The following TTC3 variants were observed in gnomAD, a reference collection of about 807,000 sequenced individuals.
TTC3 encodes tetratricopeptide repeat domain 3.
TTC3 carries 180 observed loss-of-function variants against 249.6 expected under a neutral mutation model. The ratio of observed to expected loss-of-function variants is 0.72; its 90% CI spans 0.64 to 0.82. TTC3 has a LOEUF of 0.82. Ranked by LOEUF, TTC3 falls within the 40% of genes least tolerant of loss-of-function variation. The probability of loss-of-function intolerance (pLI) is 0.00; values close to 1 mark genes in which losing one functional copy is unlikely to be tolerated. For synonymous variants in TTC3, 717 were observed against 805.0 expected (o/e 0.89, Z 1.85); for missense variants, 2,061 against 2,398.4 (o/e 0.86, Z 2.94).
intron 11 of TTC3, among the ~76,000 whole-genome samples, chr21:37,116,334 G>T (rs978868079): frequency 6.6e-6 from 1 of 152,138 alleles, no homozygotes. Flanking sequence ...CAGTAAGAGA[G>T]GGAAAGGAGA....
At chr21:37,113,366 A>G (rs1337517990) in intron 11 of TTC3, among the ~76,000 whole-genome samples, 2 of 152,248 alleles carry the variant, frequency 1.3e-5, no homozygotes, top group Non-Finnish European at 2.9e-5. Context: ...TCAATGTGCA[A>G]AAATCACAAG....
At chr21:37,167,439 A>C (rs1045060940) in intron 33 of TTC3, 116 bp from the exon 34 acceptor site, 2 of 507,944 alleles carry the variant, frequency 3.9e-6, no homozygotes, top group African/African-American at 1.8e-4. Context: ...CATGATCTAA[A>C]TGGGAAAAAA....
chr21:37,129,487 C>G (rs1014908130), intron 16 of TTC3, among the ~76,000 whole-genome samples: 1 of 152,174 alleles, frequency 6.6e-6, no homozygotes, highest in Admixed American at 6.5e-5. Flanking sequence ...ACTCTGCATA[C>G]GCAGACATGG....
intron 35 of TTC3, among the ~76,000 whole-genome samples, chr21:37,176,933 C>T (rs1167927253): frequency 2.0e-5 from 3 of 152,124 alleles, no homozygotes; most frequent in Non-Finnish European, 2.9e-5. Context: ...GCAGTGTAGG[C>T]ATATCAGTTA....
At chr21:37,091,481 T>C (rs1473234580) in intron 7 of TTC3, 68 bp downstream of exon 7, 1 of 1,385,218 alleles carries the variant, frequency 7.2e-7, no homozygotes, top group Non-Finnish European at 9.6e-7. Context: ...ATGAGATATG[T>C]AGTTAAGTGA....
intron 6 of TTC3, 47 bp downstream of exon 6, chr21:37,090,333 C>T: frequency 2.7e-6 from 4 of 1,498,258 alleles, no homozygotes; most frequent in Non-Finnish European, 3.7e-6. Context: ...GGATGAGTGG[C>T]AGTCATCTCA....
At chr21:37,193,661 G>T (rs1195570254) in intron 41 of TTC3, 1 of 152,204 alleles carries the variant, frequency 6.6e-6, no homozygotes, top group Non-Finnish European at 1.5e-5. Context: ...CCAGGAGCTT[G>T]AGTAATAAGT....
At chr21:37,180,541 A>G (rs2082659433) in intron 35 of TTC3, among the ~76,000 whole-genome samples, 1 of 139,854 alleles carries the variant, frequency 7.2e-6, no homozygotes, top group Admixed American at 7.7e-5. Flanking sequence ...ATTCTCACTC[A>G]TAGGTGGGAA....
chr21:37,154,706 G>T (rs919070230), intron 27 of TTC3, among the ~76,000 whole-genome samples: 5 of 151,758 alleles, frequency 3.3e-5, no homozygotes, highest in African/African-American at 1.2e-4. Context: ...TTGTTTGTTT[G>T]TTTTTTTGAG....
At chr21:37,131,143 C>G (rs55880713) in intron 16 of TTC3, among the ~76,000 whole-genome samples, 7 of 152,222 alleles carry the variant, frequency 4.6e-5, no homozygotes, top group African/African-American at 7.2e-5. Context: ...TGTTACTCAT[C>G]ATGAGCCCCT....
chr21:37,132,802 C>T (rs1272762355), intron 17 of TTC3, 36 bp downstream of exon 17: 12 of 1,501,286 alleles, frequency 8.0e-6, no homozygotes, highest in African/African-American at 5.6e-5. Flanking sequence ...AAAAGCAAAA[C>T]TCTTTGAACA....
intron 11 of TTC3, among the ~76,000 whole-genome samples, chr21:37,110,233 G>A (rs1282171877): frequency 1.8e-5 from 2 of 112,126 alleles, no homozygotes; most frequent in Non-Finnish European, 2.1e-5. Flanking sequence ...GTTGAGAGAG[G>A]AAGGCTTCAG....
At chr21:37,179,798 A>T (rs2082593172) in intron 35 of TTC3, among the ~76,000 whole-genome samples, 1 of 152,096 alleles carries the variant, frequency 6.6e-6, no homozygotes, top group Non-Finnish European at 1.5e-5. Flanking sequence ...CCAGCCCCAG[A>T]AGGGTGGTTT....
intron 11 of TTC3, among the ~76,000 whole-genome samples, 168 bp from the exon 12 acceptor site, chr21:37,121,649 A>T (rs776236085): frequency 5.3e-5 from 8 of 152,202 alleles, no homozygotes; most frequent in Non-Finnish European, 1.0e-4. Flanking sequence ...TCATTAGGTA[A>T]TGTTATTTCC....
intron 21 of TTC3, among the ~76,000 whole-genome samples, chr21:37,144,988 G>C (rs1226742025): frequency 6.6e-6 from 1 of 152,168 alleles, no homozygotes; most frequent in Non-Finnish European, 1.5e-5. Flanking sequence ...TTGAGTCCAG[G>C]CATTCTGACT....
Position 37,104,328 on chromosome 21 carries a change from G to A in TTC3, c.846-4064G>A, listed in dbSNP as rs1185797352. On this transcript the variant is annotated intron_variant, in intron 10 of 45. Transcript: ENST00000355666. ...TTGAAGGCCAGGCATGGTGACTCAC[G>A]CCTGTAATCCCAGCACTTTGGGAGG... 5.3e-5 allele frequency among the ~76,000 whole-genome samples: 8 copies of A among 152,080 alleles called. No homozygotes were observed. In the East Asian group the frequency reaches 1.5e-3, roughly 29 times the overall value.
intron 39 of TTC3, among the ~76,000 whole-genome samples, chr21:37,190,364 G>A (rs555895231): frequency 2.6e-5 from 4 of 151,466 alleles, no homozygotes; most frequent in East Asian, 3.9e-4. Flanking sequence ...TCTAACTCCT[G>A]ACCTGGTGAT....
At chr21:37,082,570 T>C (rs79689471) in intron 1 of TTC3, 28,139 of 985,404 alleles carry the variant, frequency 0.029, 440 homozygotes, top group Middle Eastern at 0.044. Flanking sequence ...GTCCTGATCC[T>C]ATTACTGCTC....
At chr21:37,128,702 C>T (rs1568997115) in intron 15 of TTC3, among the ~76,000 whole-genome samples, 1 of 152,128 alleles carries the variant, frequency 6.6e-6, no homozygotes, top group Non-Finnish European at 1.5e-5. Context: ...AGTGATGTGT[C>T]TTTTCACCCC....
Sources: allele counts gnomAD v4.1 joint callset (sites outside exome capture counted in the v4.1 genomes callset), GRCh38; gene constraint gnomAD v4.1.1; transcripts MANE v1.5; gene names NCBI Gene and HGNC (gene_info 2026-07-23, HGNC 2026-07-21).